Variants in DIS3L2 observed in about 807,000 individuals in gnomAD.
DIS3L2 encodes the protein DIS3-like exonuclease 2.
A neutral mutation model predicts 97.5 loss-of-function variants in DIS3L2; 34 were observed. The observed-to-expected ratio is 0.35, with a 90% CI of 0.27 to 0.46. The LOEUF is 0.46. Ranked by LOEUF, DIS3L2 falls within the 20% of genes least tolerant of loss-of-function variation. DIS3L2 has a pLI of 1.00. For synonymous variants in DIS3L2, 435 were observed against 445.2 expected, an observed-to-expected ratio of 0.98 and a Z score of 0.29; for missense variants, 1,038 against 1,146.0, an observed-to-expected ratio of 0.91 and a Z score of 1.36.
At chr2:232,207,597 G>C (rs1007349612) in intron 9 of DIS3L2, among the ~76,000 whole-genome samples, 46 of 152,194 alleles carry the variant, frequency 3.0e-4, no homozygotes, top group African/African-American at 1.1e-3. Flanking sequence ...GACTCTCCTC[G>C]AAATATTTAG....
chr2:232,188,161 G>A (rs373429498), intron 9 of DIS3L2, among the ~76,000 whole-genome samples: 1 of 152,032 alleles, frequency 6.6e-6, no homozygotes, highest in African/African-American at 2.4e-5. Context: ...GAGGGGGAGG[G>A]AGGGAAACAA....
At chr2:232,190,834 A>T (rs1379691231) in intron 9 of DIS3L2, among the ~76,000 whole-genome samples, 5 of 152,098 alleles carry the variant, frequency 3.3e-5, no homozygotes, top group Non-Finnish European at 7.4e-5. Context: ...GTGGAAGGAA[A>T]TTTCTTAGGA....
chr2:232,158,217 A>G lies in DIS3L2; in HGVS notation c.951-5242A>G, dbSNP rs568797269. On this transcript the variant is annotated intron_variant, in intron 8 of 20. Transcript: ENST00000325385. ...CATCCCTTACAATGGATTTAATGCTATCGTGTCCATTTATGACTCATGACA... is the reference window on the plus strand; with the variant it reads ...CATCCCTTACAATGGATTTAATGCTGTCGTGTCCATTTATGACTCATGACA... Among the ~76,000 whole-genome samples the G allele has an allele frequency of 7.9e-5, 12 of 152,204 alleles. No homozygotes were observed. In the East Asian group the frequency reaches 1.9e-3, roughly 25 times the overall value.
intron 5 of DIS3L2, among the ~76,000 whole-genome samples, chr2:232,032,263 TTGA>T (rs934602859): frequency 6.6e-6 from 1 of 152,224 alleles, no homozygotes; most frequent in Non-Finnish European, 1.5e-5. Context: ...ATGACCAGTG[TTGA>T]TGACCTTTTT....
intron 1 of DIS3L2, among the ~76,000 whole-genome samples, chr2:231,977,024 C>T (rs1011844418): frequency 6.6e-6 from 1 of 152,174 alleles, no homozygotes; most frequent in Non-Finnish European, 1.5e-5. Context: ...GCCTCAGCCT[C>T]CCACGCCTGG....
At chr2:232,285,952 G>T (rs1318920950) in intron 13 of DIS3L2, among the ~76,000 whole-genome samples, 1 of 152,208 alleles carries the variant, frequency 6.6e-6, no homozygotes, top group African/African-American at 2.4e-5. Flanking sequence ...CAAGTACACA[G>T]CTAGAGACAT....
chr2:232,128,297 C>T (rs1698124328), intron 6 of DIS3L2, among the ~76,000 whole-genome samples: 1 of 151,842 alleles, frequency 6.6e-6, no homozygotes, highest in African/African-American at 2.4e-5. Flanking sequence ...TATGATATTC[C>T]CACATTAGTC....
chr2:232,333,978 G>A lies in DIS3L2; in HGVS notation c.2149G>A (p.Ala717Thr), dbSNP rs1695854707. Residue 717 changes from alanine (A) to threonine (T), a missense_variant, in exon 17 of 21, where the codon GCC becomes ACC. This residue lies in a region of DIS3L2 where 221 missense variants were observed against 246.9 expected (regional missense o/e 0.90). Transcript: ENST00000325385. ...ADVLVHRLLAAALGYRERLDM... is the reference protein window; with the variant it reads ...ADVLVHRLLATALGYRERLDM... Reference sequence around the variant, plus strand: ...CGTCCTGGTGCACCGCCTCCTGGCTGCCGCGTTAGGTGAGGGGTGCAGTCG... The same window carrying A: ...CGTCCTGGTGCACCGCCTCCTGGCTACCGCGTTAGGTGAGGGGTGCAGTCG... The A allele has an allele frequency of 3.7e-6, 6 of 1,610,764 alleles. No individual in the cohort carries two copies. The highest frequency in any genetic ancestry group is 4.2e-6 in the Non-Finnish European group (5 of 1,178,874).
chr2:232,247,634 G>GGGGGGGGGGGGT (rs1693296108), intron 11 of DIS3L2, among the ~76,000 whole-genome samples: 1 of 59,926 alleles, frequency 1.7e-5, no homozygotes, highest in Non-Finnish European at 3.9e-5. Context: ...GGGGGGGGGG[G>GGGGGGGGGGGGT]GCGGGGGGGA....
rs532490163 is a variant in DIS3L2 at position 232,218,322 on chromosome 2, A to G, written c.1204+7917A>G. ...ATAGAGAACTGACCAGGAATCCATC[A>G]GACAAAGCATTGGCAAACACTGCTC... On this transcript the variant is annotated intron_variant, in intron 10 of 20. Transcript: ENST00000325385. Among the ~76,000 whole-genome samples the G allele has an allele frequency of 1.3e-4, 20 of 152,350 alleles. No individual in the cohort carries two copies. In the East Asian group the frequency reaches 3.9e-3, roughly 29 times the overall value.
intron 5 of DIS3L2, among the ~76,000 whole-genome samples, chr2:232,046,977 C>G (rs1695260702): frequency 6.6e-6 from 1 of 152,126 alleles, no homozygotes; most frequent in South Asian, 2.1e-4. Flanking sequence ...ATATTAAGTT[C>G]AGACAATCAT....
chr2:232,034,432 G>T (rs1255935733), intron 5 of DIS3L2, among the ~76,000 whole-genome samples: 2 of 151,834 alleles, frequency 1.3e-5, no homozygotes, highest in South Asian at 2.1e-4. Context: ...TGGACTCATT[G>T]ATTTTTTTGA....
At chr2:232,044,170 A>G (rs1018374360) in intron 5 of DIS3L2, among the ~76,000 whole-genome samples, 9 of 152,092 alleles carry the variant, frequency 5.9e-5, no homozygotes, top group Admixed American at 2.0e-4. Context: ...TTCAGTTGGT[A>G]TGTAGTCACT....
intron 1 of DIS3L2, among the ~76,000 whole-genome samples, chr2:232,002,899 T>C (rs1360235121): frequency 4.6e-5 from 7 of 152,198 alleles, no homozygotes; most frequent in Admixed American, 4.6e-4. Context: ...AAAGGAAACA[T>C]ACCATAGATT....
At chr2:232,054,578 G>A (rs965617609) in intron 5 of DIS3L2, among the ~76,000 whole-genome samples, 1 of 151,830 alleles carries the variant, frequency 6.6e-6, no homozygotes, top group Non-Finnish European at 1.5e-5. Context: ...TTTTGTCATA[G>A]AACCAGTAAG....
intron 6 of DIS3L2, among the ~76,000 whole-genome samples, chr2:232,090,917 TGTA>T (rs1696817803): frequency 6.6e-6 from 1 of 152,268 alleles, no homozygotes; most frequent in South Asian, 2.1e-4. Context: ...TCCCGTTGTC[TGTA>T]GCAAGTGCCT....
intron 2 of DIS3L2, among the ~76,000 whole-genome samples, chr2:232,015,269 CATT>C (rs1223784977): frequency 1.3e-5 from 2 of 152,126 alleles, no homozygotes; most frequent in Non-Finnish European, 2.9e-5. Context: ...ATACTGAACT[CATT>C]ATTCAGATTA....
intron 14 of DIS3L2, among the ~76,000 whole-genome samples, chr2:232,301,992 T>C (rs1441320275): frequency 6.6e-6 from 1 of 152,052 alleles, no homozygotes; most frequent in Non-Finnish European, 1.5e-5. Flanking sequence ...CTCTGTGTCT[T>C]GGTTGATCCA....
intron 10 of DIS3L2, among the ~76,000 whole-genome samples, chr2:232,216,499 C>T (rs564862473): frequency 4.2e-4 from 64 of 152,306 alleles, no homozygotes; most frequent in Middle Eastern, 3.4e-3. Context: ...TGACCTCTCC[C>T]TTTCAGGTTT....
Sources: gnomAD v4.1 joint callset for allele counts (sites outside exome capture counted in the v4.1 genomes callset) on GRCh38, gnomAD v4.1.1 for gene constraint, gnomAD v4.1.1 regional missense constraint, MANE v1.5 for transcripts, NCBI Gene and HGNC (gene_info 2026-07-23, HGNC 2026-07-21) for gene names.